Variants in ARHGAP31 observed in about 807,000 individuals in gnomAD.
The protein encoded by ARHGAP31 is rho GTPase-activating protein 31.
In ARHGAP31, 34 loss-of-function variants were observed where a neutral mutation model predicts 113.9. That is an observed-to-expected ratio of 0.30 (90% CI 0.23 to 0.40). The LOEUF (loss-of-function observed/expected upper bound fraction) is 0.40. Ranked by LOEUF, ARHGAP31 falls within the 10% of genes least tolerant of loss-of-function variation. The pLI, the probability that ARHGAP31 is intolerant of heterozygous loss-of-function variation, is 1.00. For missense variants in ARHGAP31, 1,548 were observed against 1,767.1 expected, an observed-to-expected ratio of 0.88 and a Z score of 2.22; for synonymous variants, 650 against 684.8, an observed-to-expected ratio of 0.95 and a Z score of 0.79.
At chr3:119,324,392 G>A (rs982889500) in intron 1 of ARHGAP31, among the ~76,000 whole-genome samples, 1 of 152,128 alleles carries the variant, frequency 6.6e-6, no homozygotes, top group Non-Finnish European at 1.5e-5. Flanking sequence ...AAGACTATAT[G>A]CTTCATAGTT....
intron 6 of ARHGAP31, among the ~76,000 whole-genome samples, chr3:119,384,095 AAT>A (rs1258108795): frequency 6.6e-6 from 1 of 152,216 alleles, no homozygotes; most frequent in Admixed American, 6.5e-5. Context: ...CCATATCTGC[AAT>A]ATATTTTTTA....
Position 119,328,787 on chromosome 3 carries a change from C to T in ARHGAP31, c.100+33783C>T, listed in dbSNP as rs139360905. Among the ~76,000 whole-genome samples, 18 of 152,184 alleles carry T rather than the reference C, an allele frequency of 1.2e-4. No individual in the cohort carries two copies. In the East Asian group the frequency reaches 3.5e-3, roughly 30 times the overall value. On this transcript the variant is annotated intron_variant, in intron 1 of 11. Coordinates refer to ENST00000264245, the MANE Select transcript of ARHGAP31 (RefSeq NM_020754.4). The stretch of plus-strand genomic sequence containing the variant: ...TCTGGAGTAGCTGGGACTACAGGCA[C>T]GTGCCACCATGCACAGCTAACTTTT...
Position 119,416,050 on chromosome 3 carries a change from C to G in ARHGAP31, c.4121C>G (p.Ser1374Cys), listed in dbSNP as rs886043818. Residue 1374 changes from serine (S) to cysteine (C), a missense_variant, in exon 12 of 12, where the codon TCC becomes TGC. By Grantham distance (112) the Ser-to-Cys change is moderately radical. Transcript: ENST00000264245. ...GTGACAGATTCCAAGGTCCTGCTGT[C>G]CCCTATCAGAAGTCCCACCCAGACA... ...STVTDSKVLL[S>C]PIRSPTQTVS... 6.2e-7 allele frequency: 1 copy of G among 1,614,204 alleles called. No homozygotes were observed. Among genetic ancestry groups the G allele is most frequent in the African/African-American group, 1.3e-5 (1 of 75,058 alleles).
At chr3:119,316,460 C>A (rs1385758142) in intron 1 of ARHGAP31, among the ~76,000 whole-genome samples, 1 of 152,176 alleles carries the variant, frequency 6.6e-6, no homozygotes, top group Admixed American at 6.5e-5. Context: ...TTTTCACACC[C>A]CTGTCCTGTG....
At chr3:119,412,410 G>A (rs374144465) in intron 11 of ARHGAP31, among the ~76,000 whole-genome samples, 1 of 113,220 alleles carries the variant, frequency 8.8e-6, no homozygotes, top group Non-Finnish European at 1.9e-5. Flanking sequence ...AAAAAGAAAA[G>A]AAAGAAAGAA....
chr3:119,295,590 C>A (rs928293263), intron 1 of ARHGAP31, among the ~76,000 whole-genome samples: 1 of 152,048 alleles, frequency 6.6e-6, no homozygotes, highest in Non-Finnish European at 1.5e-5. Flanking sequence ...TTTCCACAAC[C>A]CCCTCCCCGC....
chr3:119,374,520 T>A (rs1469840947), intron 3 of ARHGAP31, among the ~76,000 whole-genome samples: 1 of 152,186 alleles, frequency 6.6e-6, no homozygotes, highest in Non-Finnish European at 1.5e-5. Flanking sequence ...AAACCTCATC[T>A]CGAATTGTAA....
At position 119,343,926 on chromosome 3, in the gene ARHGAP31, C is replaced by T. The variant is rs1206019445; in HGVS notation, c.101-21390C>T. 2.6e-5 allele frequency among the ~76,000 whole-genome samples: 4 copies of T among 152,206 alleles called. No homozygotes were observed. The East Asian group carries it at 7.7e-4, about 29-fold the overall frequency. Reference sequence around the variant, plus strand: ...CTCCTCCTGGTGGAAGAAGCTAAATCACAAGAGGTGTCCCACGAGTAGGCC... The same window carrying T: ...CTCCTCCTGGTGGAAGAAGCTAAATTACAAGAGGTGTCCCACGAGTAGGCC... On this transcript the variant is annotated intron_variant, in intron 1 of 11. Transcript: ENST00000264245.
intron 1 of ARHGAP31, among the ~76,000 whole-genome samples, chr3:119,339,655 G>A (rs550609686): frequency 1.3e-5 from 2 of 152,258 alleles, no homozygotes; most frequent in South Asian, 4.1e-4. Context: ...CAGAGTTGGA[G>A]AAGCAATGCA....
chr3:119,301,236 A>G (rs949822993), intron 1 of ARHGAP31, among the ~76,000 whole-genome samples: 1 of 151,962 alleles, frequency 6.6e-6, no homozygotes, highest in Non-Finnish European at 1.5e-5. Flanking sequence ...TTCTACCCGC[A>G]CTGGCCGCCA....
intron 1 of ARHGAP31, among the ~76,000 whole-genome samples, chr3:119,351,051 C>G (rs1396438051): frequency 6.6e-6 from 1 of 152,154 alleles, no homozygotes; most frequent in Non-Finnish European, 1.5e-5. Flanking sequence ...GGATCCAGAA[C>G]TTGTTTCTAG....
intron 1 of ARHGAP31, among the ~76,000 whole-genome samples, chr3:119,310,802 C>T (rs2079673081): frequency 6.6e-6 from 1 of 152,174 alleles, no homozygotes; most frequent in Non-Finnish European, 1.5e-5. Flanking sequence ...TGTAAATGCT[C>T]ACACGCCTGG....
At chr3:119,383,792 G>A (rs2080424331) in intron 6 of ARHGAP31, among the ~76,000 whole-genome samples, 1 of 152,220 alleles carries the variant, frequency 6.6e-6, no homozygotes, top group South Asian at 2.1e-4. Flanking sequence ...TGGGCATCTT[G>A]TAATGAATAT....
rs2080500495 is a variant in ARHGAP31 at position 119,391,132 on chromosome 3, G to GAGC, written c.881+150_881+152dup. 4.5e-6 allele frequency: 4 copies of GAGC among 885,858 alleles called. No individual in the cohort carries two copies. In the South Asian group the frequency reaches 5.7e-5, roughly 13 times the overall value. 54.9% of individuals were successfully genotyped at this position (885,858 alleles called of 1,614,324 possible). A position where few individuals can be genotyped will look rare whatever the true frequency, so the allele number is the denominator to read the frequency against. ...TAAGGAAACATTCCAGAAGAGAAGGGAGCTGTCTCTACAACTCTCTCACCA... is the reference window on the plus strand; with the variant it reads ...TAAGGAAACATTCCAGAAGAGAAGGGAGCAGCTGTCTCTACAACTCTCTCACCA... On this transcript the variant is annotated intron_variant, in intron 7 of 11. Coordinates refer to ENST00000264245, the MANE Select transcript of ARHGAP31 (RefSeq NM_020754.4).
intron 10 of ARHGAP31, among the ~76,000 whole-genome samples, chr3:119,403,017 G>A (rs1024095712): frequency 6.6e-6 from 1 of 152,178 alleles, no homozygotes; most frequent in Non-Finnish European, 1.5e-5. Context: ...AGCTAATTGG[G>A]TTCTGAGATT....
At chr3:119,327,125 G>A (rs768328536) in intron 1 of ARHGAP31, among the ~76,000 whole-genome samples, 1 of 152,068 alleles carries the variant, frequency 6.6e-6, no homozygotes, top group Non-Finnish European at 1.5e-5. Flanking sequence ...GGGCGATAGA[G>A]CCAGACCTTG....
intron 1 of ARHGAP31, among the ~76,000 whole-genome samples, chr3:119,351,789 G>A (rs1271879215): frequency 1.3e-5 from 2 of 152,146 alleles, no homozygotes; most frequent in African/African-American, 2.4e-5. Flanking sequence ...AGGCACATGC[G>A]GCCGTTCTCT....
chr3:119,345,656 G>A (rs939286386), intron 1 of ARHGAP31, among the ~76,000 whole-genome samples: 1 of 152,160 alleles, frequency 6.6e-6, no homozygotes, highest in Non-Finnish European at 1.5e-5. Context: ...GTGCCAAAAA[G>A]CACTTGATGA....
At chr3:119,328,513 G>A (rs73854488) in intron 1 of ARHGAP31, among the ~76,000 whole-genome samples, 6,911 of 152,234 alleles carry the variant, frequency 0.045, 419 homozygotes, top group African/African-American at 0.13. Context: ...CCTGTTAGCC[G>A]CTATACTGGG....
Sources: allele counts gnomAD v4.1 joint callset (sites outside exome capture counted in the v4.1 genomes callset), GRCh38; gene constraint gnomAD v4.1.1; transcripts MANE v1.5; gene names NCBI Gene and HGNC (gene_info 2026-07-23, HGNC 2026-07-21).